The following BAZ1A variants were observed in gnomAD, a reference collection of about 807,000 sequenced individuals.
BAZ1A encodes the protein bromodomain adjacent to zinc finger domain protein 1A.
BAZ1A carries 50 observed loss-of-function variants against 185.2 expected under a neutral mutation model. The ratio of observed to expected loss-of-function variants is 0.27; its 90% CI spans 0.22 to 0.34. BAZ1A has a LOEUF of 0.34. BAZ1A is among the 10% of genes least tolerant of loss of function. The pLI, the probability that BAZ1A is intolerant of heterozygous loss-of-function variation, is 1.00. For synonymous variants in BAZ1A, 571 were observed against 615.6 expected (o/e 0.93, Z 1.07); for missense variants, 1,356 against 1,839.9 (o/e 0.74, Z 4.81).
At chr14:34,829,709 T>C (rs1407897803) in intron 3 of BAZ1A, among the ~76,000 whole-genome samples, 8 of 152,206 alleles carry the variant, frequency 5.3e-5, no homozygotes, top group African/African-American at 9.6e-5. Context: ...CTTAATCTTC[T>C]GTAAACCATT....
intron 6 of BAZ1A, among the ~76,000 whole-genome samples, chr14:34,804,560 CATG>C (rs1881752914): frequency 6.6e-6 from 1 of 152,132 alleles, no homozygotes; most frequent in Admixed American, 6.5e-5. Flanking sequence ...CAGTTCTGGC[CATG>C]ATAATAAATC....
chr14:34,856,589 G>A (rs1170720547), intron 3 of BAZ1A, among the ~76,000 whole-genome samples: 6 of 151,996 alleles, frequency 3.9e-5, no homozygotes, highest in Non-Finnish European at 8.8e-5. Flanking sequence ...CGGGTGCGGT[G>A]GCTCATACCT....
intron 15 of BAZ1A, among the ~76,000 whole-genome samples, chr14:34,783,445 C>T (rs188901760): frequency 1.1e-3 from 155 of 145,044 alleles, no homozygotes; most frequent in African/African-American, 3.7e-3. Flanking sequence ...AAGTGATTCT[C>T]GTGCCTCAAC....
intron 21 of BAZ1A, chr14:34,768,882 A>G (rs977986197): frequency 5.0e-5 from 13 of 257,444 alleles, no homozygotes; most frequent in Non-Finnish European, 1.0e-4. Context: ...CAATCTTAAA[A>G]AACATCCTCA....
At chr14:34,866,150 T>C (rs893806310) in intron 2 of BAZ1A, among the ~76,000 whole-genome samples, 1 of 152,050 alleles carries the variant, frequency 6.6e-6, no homozygotes, top group African/African-American at 2.4e-5. Flanking sequence ...ATTACACCAC[T>C]GCACTCCAGC....
intron 2 of BAZ1A, among the ~76,000 whole-genome samples, chr14:34,863,351 C>G (rs567206329): frequency 6.6e-6 from 1 of 151,534 alleles, no homozygotes; most frequent in Non-Finnish European, 1.5e-5. Flanking sequence ...TTAGTAGAGA[C>G]GGGGTTTCTC....
At chr14:34,774,979 C>A (rs1453845920) in intron 18 of BAZ1A, among the ~76,000 whole-genome samples, 1 of 152,072 alleles carries the variant, frequency 6.6e-6, no homozygotes, top group Non-Finnish European at 1.5e-5. Flanking sequence ...CTTTGGGAGA[C>A]CAAGGCGGGT....
intron 26 of BAZ1A, 51 bp from the exon 27 acceptor site, chr14:34,753,755 A>C (rs1311280684): frequency 7.5e-7 from 1 of 1,341,046 alleles, no homozygotes; most frequent in Non-Finnish European, 1.0e-6. Context: ...ATAAATTATA[A>C]TAAATATAAT....
rs532183306 is a variant in BAZ1A, at chr14:34,801,086, A to C, written c.961+8T>G. On this transcript the variant is annotated splice_region_variant and intron_variant, in intron 8 of 26. Coordinates refer to ENST00000360310, the MANE Select transcript of BAZ1A (RefSeq NM_013448.3). ...TAATTAGCTTTTGGAAACAATGTTAAAACTCACCCAGTGACTTCATTTCTT... is the reference window on the plus strand; with the variant it reads ...TAATTAGCTTTTGGAAACAATGTTACAACTCACCCAGTGACTTCATTTCTT... 1 of 1,571,676 alleles carries C rather than the reference A, an allele frequency of 6.4e-7. No individual in the cohort carries two copies. The highest frequency in any genetic ancestry group is 8.6e-7 in the Non-Finnish European group (1 of 1,156,916).
intron 4 of BAZ1A, among the ~76,000 whole-genome samples, chr14:34,821,821 T>G (rs570108598): frequency 3.8e-4 from 56 of 149,240 alleles, no homozygotes; most frequent in Non-Finnish European, 2.4e-4. Context: ...CCCATTTCTA[T>G]TAAAAATACA....
intron 2 of BAZ1A, 122 bp from the exon 3 acceptor site, chr14:34,862,444 T>C: frequency 2.8e-6 from 3 of 1,058,816 alleles, no homozygotes; most frequent in East Asian, 2.6e-5. Flanking sequence ...TTATGTAGAC[T>C]CACAGAACTC....
chr14:34,758,170 C>G (rs1238669781), intron 25 of BAZ1A, among the ~76,000 whole-genome samples: 1 of 149,526 alleles, frequency 6.7e-6, no homozygotes, highest in African/African-American at 2.5e-5. Flanking sequence ...GTAGTACCAA[C>G]TACTCAAGTG....
chr14:34,808,044 C>T (rs1050889666), intron 5 of BAZ1A, among the ~76,000 whole-genome samples: 4 of 151,304 alleles, frequency 2.6e-5, no homozygotes, highest in African/African-American at 4.9e-5. Context: ...GGCAGTGAGC[C>T]AAGATCACAC....
chr14:34,850,341 G>A (rs1566596292), intron 3 of BAZ1A, among the ~76,000 whole-genome samples: 1 of 152,068 alleles, frequency 6.6e-6, no homozygotes, highest in Non-Finnish European at 1.5e-5. Flanking sequence ...TCCCACCACT[G>A]CACTCCAGCC....
intron 5 of BAZ1A, among the ~76,000 whole-genome samples, chr14:34,807,866 G>A (rs1038134750): frequency 6.6e-6 from 1 of 152,076 alleles, no homozygotes; most frequent in Non-Finnish European, 1.5e-5. Context: ...AGCACTTTGC[G>A]AGGCCGAGGC....
intron 14 of BAZ1A, among the ~76,000 whole-genome samples, chr14:34,784,386 AAAAAAAAAAG>A (rs1880282598): frequency 7.3e-6 from 1 of 137,578 alleles, no homozygotes; most frequent in Admixed American, 7.2e-5. Context: ...AAAAAAAAAA[AAAAAAAAAAG>A]GCAACTTTGA....
At chr14:34,824,484 A>G (rs761962885) in intron 4 of BAZ1A, among the ~76,000 whole-genome samples, 1 of 151,200 alleles carries the variant, frequency 6.6e-6, no homozygotes, top group Non-Finnish European at 1.5e-5. Flanking sequence ...TCACTCACCT[A>G]AAAATTATTC....
At chr14:34,858,156 C>A (rs2042710933) in intron 3 of BAZ1A, among the ~76,000 whole-genome samples, 2 of 152,014 alleles carry the variant, frequency 1.3e-5, no homozygotes, top group Admixed American at 1.3e-4. Flanking sequence ...GAACAAAAAA[C>A]AAAGCATGGA....
intron 2 of BAZ1A, among the ~76,000 whole-genome samples, chr14:34,873,086 T>G (rs2042978873): frequency 6.6e-6 from 1 of 152,204 alleles, no homozygotes; most frequent in South Asian, 2.1e-4. Flanking sequence ...CTTCTCTGGA[T>G]ATAACATGTT....
Sources: gnomAD v4.1 joint callset for allele counts (sites outside exome capture counted in the v4.1 genomes callset) on GRCh38, gnomAD v4.1.1 for gene constraint, MANE v1.5 for transcripts, NCBI Gene and HGNC (gene_info 2026-07-23, HGNC 2026-07-21) for gene names.